Variants in CPNE4 observed in about 807,000 individuals in gnomAD.
CPNE4 encodes copine 4, also known as copine-4.
CPNE4 carries 25 observed loss-of-function variants against 67.9 expected under a neutral mutation model. The ratio of observed to expected loss-of-function variants is 0.37; its 90% CI spans 0.27 to 0.51. CPNE4 has a LOEUF of 0.51. Among genes scored for constraint, CPNE4 ranks in the 20% least tolerant of loss-of-function variants. CPNE4 has a pLI of 0.93. For missense variants in CPNE4, 464 were observed against 690.8 expected, an observed-to-expected ratio of 0.67 and a Z score of 3.68; for synonymous variants, 242 against 244.9, an observed-to-expected ratio of 0.99 and a Z score of 0.11.
intron 7 of CPNE4, among the ~76,000 whole-genome samples, chr3:131,591,193 G>A (rs1938504899): frequency 6.6e-6 from 1 of 152,116 alleles, no homozygotes; most frequent in Non-Finnish European, 1.5e-5. Flanking sequence ...TGGTTTCTGG[G>A]CCCTTGTATT....
chr3:131,927,563 G>A (rs2070932519), intron 1 of CPNE4, among the ~76,000 whole-genome samples: 2 of 152,064 alleles, frequency 1.3e-5, no homozygotes, highest in Admixed American at 6.5e-5. Context: ...TACCTTTTTT[G>A]TATTTTTACC....
chr3:131,763,182 TC>T (rs1237987041), intron 2 of CPNE4, among the ~76,000 whole-genome samples: 2 of 152,086 alleles, frequency 1.3e-5, no homozygotes, highest in Non-Finnish European at 2.9e-5. Flanking sequence ...AATGAGCTTT[TC>T]CTTTTCAAAT....
intron 7 of CPNE4, among the ~76,000 whole-genome samples, chr3:131,612,952 G>GGAA (rs894992747): frequency 1.3e-5 from 2 of 152,182 alleles, no homozygotes; most frequent in African/African-American, 4.8e-5. Context: ...GCCCTGAAGA[G>GGAA]GAAGTCGTAT....
intron 1 of CPNE4, among the ~76,000 whole-genome samples, chr3:131,933,311 A>G (rs1013082734): frequency 2.6e-5 from 4 of 152,192 alleles, no homozygotes; most frequent in Admixed American, 2.0e-4. Flanking sequence ...AAGCAGTGGC[A>G]AAGGAAAAGA....
chr3:131,776,234 A>ACC (rs2083287275), intron 2 of CPNE4, among the ~76,000 whole-genome samples: 1 of 151,942 alleles, frequency 6.6e-6, no homozygotes, highest in African/African-American at 2.4e-5. Context: ...CTATCAATAT[A>ACC]TTTGTTATGG....
chr3:131,686,054 A>T, intron 5 of CPNE4, 96 bp from the exon 6 acceptor site: 1 of 696,934 alleles, frequency 1.4e-6, no homozygotes, highest in Non-Finnish European at 2.5e-6. Context: ...AACCCTCTTG[A>T]TTTCCTATTT....
At chr3:131,915,495 G>A (rs1438154278) in intron 1 of CPNE4, among the ~76,000 whole-genome samples, 2 of 152,122 alleles carry the variant, frequency 1.3e-5, no homozygotes. Flanking sequence ...AGATGGTGGA[G>A]CTACAACACC....
intron 1 of CPNE4, among the ~76,000 whole-genome samples, chr3:131,923,473 G>A (rs1252814076): frequency 1.3e-5 from 2 of 152,060 alleles, no homozygotes; most frequent in Non-Finnish European, 2.9e-5. Context: ...GGGAGGCCAA[G>A]GTGGGTGGGT....
At chr3:131,669,641 A>T (rs754848828) in intron 7 of CPNE4, 34 bp downstream of exon 7, 24 of 1,523,072 alleles carry the variant, frequency 1.6e-5, no homozygotes, top group Non-Finnish European at 1.8e-5. Flanking sequence ...TACTTTTTTT[A>T]AAAAATCACA....
chr3:131,912,232 C>T (rs1385590347), intron 1 of CPNE4, among the ~76,000 whole-genome samples: 1 of 152,140 alleles, frequency 6.6e-6, no homozygotes, highest in Non-Finnish European at 1.5e-5. Flanking sequence ...TCAGCATATT[C>T]ACATTCTCTA....
intron 6 of CPNE4, among the ~76,000 whole-genome samples, chr3:131,671,375 GCAAC>G (rs1309160453): frequency 6.6e-6 from 1 of 152,078 alleles, no homozygotes; most frequent in East Asian, 1.9e-4. Context: ...GAAGTCTCAT[GCAAC>G]AGTTTTGAAA....
At chr3:131,568,489 C>T (rs1937172684) in intron 10 of CPNE4, among the ~76,000 whole-genome samples, 1 of 151,986 alleles carries the variant, frequency 6.6e-6, no homozygotes, top group African/African-American at 2.4e-5. Flanking sequence ...CTCGCAGAGC[C>T]ACCACGTTTT....
intron 15 of CPNE4, chr3:131,537,761 T>TATC (rs1935240277): frequency 6.3e-6 from 1 of 158,684 alleles, no homozygotes; most frequent in Non-Finnish European, 1.4e-5. Context: ...GCAACCATTT[T>TATC]ATCATTATGT....
intron 1 of CPNE4, among the ~76,000 whole-genome samples, chr3:132,033,922 T>TGTCCCCGTCCCCC (rs1399784053): frequency 1.9e-4 from 29 of 152,232 alleles, no homozygotes; most frequent in Non-Finnish European, 3.7e-4. Context: ...TCCCGTCCCC[T>TGTCCCCGTCCCCC]GTCCCCGTCC....
chr3:131,583,894 A>T (rs1468791153), intron 8 of CPNE4, among the ~76,000 whole-genome samples: 1 of 152,166 alleles, frequency 6.6e-6, no homozygotes, highest in Non-Finnish European at 1.5e-5. Flanking sequence ...ACAGGTAGTA[A>T]CTGGTAGACC....
chr3:131,994,934 G>T (rs1265056280), intron 1 of CPNE4, among the ~76,000 whole-genome samples: 3 of 152,156 alleles, frequency 2.0e-5, no homozygotes, highest in African/African-American at 7.2e-5. Context: ...TAATAAAAAT[G>T]TATTGCTCTC....
intron 2 of CPNE4, among the ~76,000 whole-genome samples, chr3:131,837,205 C>G (rs1583297160): frequency 6.6e-6 from 1 of 151,968 alleles, no homozygotes; most frequent in East Asian, 1.9e-4. Context: ...CTGAGCAACC[C>G]CATTCCTGAG....
In CPNE4 at chr3:132,022,709, T is replaced by A. The variant is rs187770025; in HGVS notation, c.-2+11858A>T. On this transcript the variant is annotated intron_variant, in intron 1 of 15. Coordinates refer to ENST00000429747, the MANE Select transcript of CPNE4 (RefSeq NM_130808.3). The stretch of plus-strand genomic sequence containing the variant: ...TTGTTTGGTGGTGAGTTGTGCCTGA[T>A]GTCAAACATCTGGATAAAAATTTTA... Among the ~76,000 whole-genome samples, 8 of 152,308 alleles carry A rather than the reference T, an allele frequency of 5.3e-5. No homozygotes were observed. In the East Asian group the frequency reaches 1.5e-3, roughly 29 times the overall value.
At chr3:131,752,287 G>A (rs1057434486) in intron 2 of CPNE4, among the ~76,000 whole-genome samples, 6 of 152,080 alleles carry the variant, frequency 3.9e-5, no homozygotes, top group Non-Finnish European at 7.4e-5. Flanking sequence ...CATGGGCAGG[G>A]GTGGAGCCAC....
Sources: gnomAD v4.1 joint callset for allele counts (sites outside exome capture counted in the v4.1 genomes callset) on GRCh38, gnomAD v4.1.1 for gene constraint, MANE v1.5 for transcripts, NCBI Gene and HGNC (gene_info 2026-07-23, HGNC 2026-07-21) for gene names.